Variants in TUFT1 observed in about 807,000 individuals in gnomAD.
TUFT1 encodes the protein tuftelin 1.
In TUFT1, 43 loss-of-function variants were observed where a neutral mutation model predicts 57.8. That is an observed-to-expected ratio of 0.74 (90% CI 0.58 to 0.96). The LOEUF (loss-of-function observed/expected upper bound fraction) is 0.96. Ranked by LOEUF, TUFT1 falls within the 40% of genes least tolerant of loss-of-function variation. TUFT1 has a pLI of 0.00. For missense variants in TUFT1, 459 were observed against 489.0 expected (o/e 0.94, Z 0.58); for synonymous variants, 166 against 176.7 (o/e 0.94, Z 0.48).
chr1:151,550,015 C>G (rs546663300), intron 1 of TUFT1, among the ~76,000 whole-genome samples: 1 of 152,228 alleles, frequency 6.6e-6, no homozygotes, highest in South Asian at 2.1e-4. Flanking sequence ...AGCCAACATG[C>G]CTAGCCAAGT....
At chr1:151,544,806 T>C (rs1665280901) in intron 1 of TUFT1, among the ~76,000 whole-genome samples, 1 of 152,218 alleles carries the variant, frequency 6.6e-6, no homozygotes, top group African/African-American at 2.4e-5. Context: ...TTGAGCTGTT[T>C]TGTGTTTACC....
intron 1 of TUFT1, among the ~76,000 whole-genome samples, chr1:151,541,998 C>T (rs553317092): frequency 1.3e-5 from 2 of 152,240 alleles, no homozygotes; most frequent in South Asian, 4.1e-4. Context: ...AGATGCACAC[C>T]ACCTATAGCT....
At chr1:151,548,487 G>A (rs902692728) in intron 1 of TUFT1, among the ~76,000 whole-genome samples, 9 of 152,136 alleles carry the variant, frequency 5.9e-5, no homozygotes, top group Middle Eastern at 3.4e-3. Flanking sequence ...ATTTTTAGTA[G>A]AGATGGGGTT....
At chr1:151,579,500 T>C (rs369279164) in intron 10 of TUFT1, 149 bp from the exon 11 acceptor site, 12 of 682,086 alleles carry the variant, frequency 1.8e-5, no homozygotes, top group East Asian at 1.4e-4. Context: ...GAGTCTAATA[T>C]TGACTGAAAG....
intron 1 of TUFT1, among the ~76,000 whole-genome samples, chr1:151,543,755 G>A (rs1049854501): frequency 2.0e-5 from 3 of 152,040 alleles, no homozygotes; most frequent in Admixed American, 2.0e-4. Context: ...ATTGTCCCTT[G>A]GCCCCCAGTT....
intron 7 of TUFT1, among the ~76,000 whole-genome samples, chr1:151,571,356 G>A (rs1234333294): frequency 1.3e-5 from 2 of 152,142 alleles, no homozygotes; most frequent in African/African-American, 4.8e-5. Context: ...TTACAAGTTT[G>A]TTGTGTAGAT....
rs536452355 is a variant in TUFT1 at position 151,582,085 on chromosome 1, A to G, written c.*378A>G. 1.8e-5 allele frequency: 9 copies of G among 493,312 alleles called. No homozygotes were observed. Among genetic ancestry groups the G allele is most frequent in the Non-Finnish European group, 3.2e-5 (8 of 251,670 alleles). 30.6% of individuals were successfully genotyped at this position (493,312 alleles called of 1,614,324 possible). ...GGTGACAAGATTTGCCTCAGCCCTA[A>G]AAGCTGGAGACACAGATGTCCAGAG... On this transcript the variant is annotated 3_prime_UTR_variant, in exon 13 of 13. Transcript: ENST00000368849.
chr1:151,545,266 C>T (rs1000642829), intron 1 of TUFT1, among the ~76,000 whole-genome samples: 8 of 151,718 alleles, frequency 5.3e-5, no homozygotes, highest in African/African-American at 1.5e-4. Flanking sequence ...GCCGAGATCA[C>T]GCCATTGCAC....
chr1:151,560,956 T>TTGTGTGTGTGTGTGTGTGTGTG (rs68056033), intron 1 of TUFT1, among the ~76,000 whole-genome samples: 6 of 132,450 alleles, frequency 4.5e-5, no homozygotes, highest in Non-Finnish European at 9.6e-5. Context: ...CTGCAAAGTA[T>TTGTGTGTGTGTGTGTGTGTGTG]TGTGTGTGTG....
intron 6 of TUFT1, 69 bp downstream of exon 6, chr1:151,566,297 T>C: frequency 1.6e-6 from 2 of 1,286,700 alleles, no homozygotes. Context: ...CCCATCCTTT[T>C]GTTTATTGCT....
intron 1 of TUFT1, among the ~76,000 whole-genome samples, chr1:151,556,864 C>T (rs1211652805): frequency 6.6e-6 from 1 of 152,202 alleles, no homozygotes; most frequent in East Asian, 1.9e-4. Context: ...AGTTCAGTTA[C>T]GTGGGAGGCT....
intron 1 of TUFT1, among the ~76,000 whole-genome samples, chr1:151,542,446 A>G (rs1665199407): frequency 6.7e-6 from 1 of 149,316 alleles, no homozygotes; most frequent in African/African-American, 2.5e-5. Flanking sequence ...TGCCCAGGCT[A>G]GTCTCGAACT....
intron 5 of TUFT1, chr1:151,565,929 A>G (rs1245863298): frequency 9.2e-6 from 4 of 432,494 alleles, no homozygotes; most frequent in African/African-American, 4.0e-5. Flanking sequence ...CTATTTTCTC[A>G]TGGAACGCTA....
intron 6 of TUFT1, among the ~76,000 whole-genome samples, chr1:151,567,776 C>G (rs1666130194): frequency 6.6e-6 from 1 of 151,858 alleles, no homozygotes; most frequent in Non-Finnish European, 1.5e-5. Flanking sequence ...GAACTCCTGA[C>G]CTCAGGTGAT....
chr1:151,559,097 T>C (rs1665802437), intron 1 of TUFT1, among the ~76,000 whole-genome samples: 2 of 152,216 alleles, frequency 1.3e-5, no homozygotes, highest in African/African-American at 4.8e-5. Flanking sequence ...GATACTGTTT[T>C]AATAAAAGTG....
rs1666668436 is a variant in TUFT1, at chr1:151,582,302, G to C, written c.*595G>C. 2.3e-6 allele frequency: 1 copy of C among 440,864 alleles called. No individual in the cohort carries two copies. Among genetic ancestry groups the C allele is most frequent in the Non-Finnish European group, 4.6e-6 (1 of 218,868 alleles). 27.3% of individuals were successfully genotyped at this position (440,864 alleles called of 1,614,324 possible). ...ACCTAAGCTTTGACTGGGTGGCCTT[G>C]TCTTTCTGGGGAGGAGGGAATGTAC... On this transcript the variant is annotated 3_prime_UTR_variant, in exon 13 of 13. Transcript: ENST00000368849.
intron 1 of TUFT1, among the ~76,000 whole-genome samples, chr1:151,552,059 A>G (rs11204847): frequency 0.37 from 56,165 of 151,994 alleles, 10,711 homozygotes; most frequent in Non-Finnish European, 0.41. Flanking sequence ...CTAAAGTGCA[A>G]ATTATATTAG....
chr1:151,571,824 T>C (rs1666257780), intron 7 of TUFT1, among the ~76,000 whole-genome samples: 1 of 152,208 alleles, frequency 6.6e-6, no homozygotes, highest in African/African-American at 2.4e-5. Context: ...CCCTGACAGC[T>C]ATAGCCCACT....
At chr1:151,541,786 T>G (rs1665176651) in intron 1 of TUFT1, among the ~76,000 whole-genome samples, 1 of 152,180 alleles carries the variant, frequency 6.6e-6, no homozygotes, top group African/African-American at 2.4e-5. Context: ...GCTATGAGAC[T>G]CTGAAGAGAT....
Sources: allele counts gnomAD v4.1 joint callset (sites outside exome capture counted in the v4.1 genomes callset), GRCh38; gene constraint gnomAD v4.1.1; transcripts MANE v1.5; gene names NCBI Gene and HGNC (gene_info 2026-07-23, HGNC 2026-07-21).